TERF1: variants seen among roughly 807,000 people sequenced by gnomAD.
TERF1 encodes the protein telomeric repeat-binding factor 1.
In TERF1, 20 loss-of-function variants were observed where a neutral mutation model predicts 55.1. The ratio of observed to expected loss-of-function variants is 0.36; its 90% CI spans 0.26 to 0.53. The LOEUF is 0.53. Ranked by LOEUF, TERF1 falls within the 20% of genes least tolerant of loss-of-function variation. The pLI is 0.91. For missense variants in TERF1, 439 were observed against 535.7 expected (o/e 0.82, Z 1.78); for synonymous variants, 168 against 181.2 (o/e 0.93, Z 0.59).
intron 9 of TERF1, among the ~76,000 whole-genome samples, chr8:73,042,379 T>C (rs914861136): frequency 3.3e-5 from 5 of 152,204 alleles, no homozygotes; most frequent in Non-Finnish European, 4.4e-5. Context: ...TTTTATTTTT[T>C]AGCTTTCCGT....
At chr8:73,019,299 C>T (rs1808650559) in intron 2 of TERF1, among the ~76,000 whole-genome samples, 1 of 152,192 alleles carries the variant, frequency 6.6e-6, no homozygotes, top group Non-Finnish European at 1.5e-5. Context: ...ATAATAGACT[C>T]TTGATTTCCA....
At chr8:73,028,281 CAG>C (rs1415915240) in intron 6 of TERF1, among the ~76,000 whole-genome samples, 2 of 152,176 alleles carry the variant, frequency 1.3e-5, no homozygotes, top group Non-Finnish European at 2.9e-5. Context: ...GTGTACCAAA[CAG>C]AACTCTTCAT....
intron 9 of TERF1, 55 bp downstream of exon 9, chr8:73,039,274 G>C: frequency 8.2e-7 from 1 of 1,221,174 alleles, no homozygotes; most frequent in Admixed American, 2.6e-5. Context: ...GTTATAACTT[G>C]AATAATTGTG....
chr8:73,009,044 C>T lies in TERF1; in HGVS notation c.158C>T (p.Ala53Val), dbSNP rs554864170. The change falls in exon 1 of 10, where the codon GCC becomes GTC. Residue 53 changes from alanine to valine, a missense_variant. Physicochemically the swap from Ala to Val is moderately conservative, Grantham distance 64. This residue lies in a region of TERF1 where 179 missense variants were observed against 152.6 expected (regional missense o/e 1.17). Coordinates refer to ENST00000276603, the MANE Select transcript of TERF1 (RefSeq NM_017489.3). ...ELLECQVQVG[A>V]PEEEEEEEED... ...CTCGAGTGCCAGGTGCAGGTGGGGG[C>T]CCCCGAGGAGGAGGAGGAGGAGGAG... The T allele has an allele frequency of 3.1e-6, 5 of 1,609,094 alleles. No individual in the cohort carries two copies. The South Asian group carries it at 5.5e-5, about 18-fold the overall frequency.
chr8:73,010,485 C>T (rs1808237766), intron 1 of TERF1: 1 of 152,190 alleles, frequency 6.6e-6, no homozygotes, highest in South Asian at 2.1e-4. Context: ...TTTGCATATG[C>T]ATGTGTAGAC....
At chr8:73,027,106 A>C in intron 6 of TERF1, 54 bp downstream of exon 6, 1 of 1,262,478 alleles carries the variant, frequency 7.9e-7, no homozygotes, top group Non-Finnish European at 1.1e-6. Flanking sequence ...TTCTGTCTTT[A>C]TGTAAAATTG....
At chr8:73,045,913 T>A in intron 9 of TERF1, 48 bp from the exon 10 acceptor site, 5 of 1,405,482 alleles carry the variant, frequency 3.6e-6, no homozygotes, top group Middle Eastern at 1.9e-4. Flanking sequence ...GGTATTTTCT[T>A]TTTGAATAAT....
chr8:73,046,936 A>T lies in TERF1; in HGVS notation c.*799A>T. 1 of 152,234 alleles carries T rather than the reference A, an allele frequency of 6.6e-6. No homozygotes were observed. Among genetic ancestry groups the T allele is most frequent in the Non-Finnish European group, 1.5e-5 (1 of 68,042 alleles). 9.4% of individuals were successfully genotyped at this position (152,234 alleles called of 1,614,324 possible). A position where few individuals can be genotyped will look rare whatever the true frequency, so the allele number is the denominator to read the frequency against. The stretch of plus-strand genomic sequence containing the variant: ...ATGTACAGAGTAACCTATAAGCATG[A>T]CATACTTTTGCTTTCAGTAGTTTCA... On this transcript the variant is annotated 3_prime_UTR_variant, in exon 10 of 10. Transcript: ENST00000276603.
At chr8:73,026,698 CA>C (rs1255765350) in intron 5 of TERF1, among the ~76,000 whole-genome samples, 1 of 150,054 alleles carries the variant, frequency 6.7e-6, no homozygotes, top group Non-Finnish European at 1.5e-5. Context: ...TTTTGTCTAT[CA>C]AATATATTTA....
At chr8:73,020,983 C>T (rs1808725723) in intron 3 of TERF1, among the ~76,000 whole-genome samples, 178 bp downstream of exon 3, 2 of 152,016 alleles carry the variant, frequency 1.3e-5, no homozygotes, top group Non-Finnish European at 2.9e-5. Flanking sequence ...CTTAATGTGC[C>T]ATACTTAAGC....
chr8:73,014,117 GGT>G lies in TERF1; in HGVS notation c.415+129_415+130del. ...TGTCTGGTGCATAGGGGTGTGGGGG[GGT>G]GGTGTGTGTGTGTGTGTACACATAC... On this transcript the variant is annotated intron_variant, in intron 2 of 9. Transcript: ENST00000276603. 4 of 684,568 alleles carry G rather than the reference GGT, an allele frequency of 5.8e-6. No homozygotes were observed. In the East Asian group the frequency reaches 1.1e-4, roughly 19 times the overall value. The allele number at this position is 684,568 out of a possible 1,614,324, so 42.4% of individuals were successfully genotyped here.
intron 2 of TERF1, among the ~76,000 whole-genome samples, chr8:73,014,563 A>G (rs1808416547): frequency 6.6e-6 from 1 of 152,232 alleles, no homozygotes; most frequent in African/African-American, 2.4e-5. Context: ...GTAATGGGCA[A>G]GGCTGATTCA....
intron 2 of TERF1, 92 bp from the exon 3 acceptor site, chr8:73,020,592 A>G (rs1808709358): frequency 9.0e-7 from 1 of 1,111,378 alleles, no homozygotes; most frequent in Non-Finnish European, 1.3e-6. Context: ...CATAGTATAC[A>G]CTCAGTAAAT....
chr8:73,030,978 C>T (rs1406304420), intron 7 of TERF1: 1 of 152,112 alleles, frequency 6.6e-6, no homozygotes, highest in Non-Finnish European at 1.5e-5. Flanking sequence ...TCTGTGAGAA[C>T]ACTGAAATAA....
At position 73,030,670 on chromosome 8, in the gene TERF1, C is replaced by T. The variant is rs1809246065; in HGVS notation, c.947+275C>T. On this transcript the variant is annotated intron_variant, in intron 7 of 9. Coordinates refer to ENST00000276603, the MANE Select transcript of TERF1 (RefSeq NM_017489.3). ...GAGCTTAAAACAGATGTTTAGTAAA[C>T]ACTTCTCTGTCACAGAAACAAAGAT... 1.1e-5 allele frequency: 3 copies of T among 279,040 alleles called. No homozygotes were observed. In the East Asian group the frequency reaches 1.9e-4, roughly 17 times the overall value. 17.3% of individuals were successfully genotyped at this position (279,040 alleles called of 1,614,324 possible).
At chr8:73,015,313 T>C (rs1209649377) in intron 2 of TERF1, among the ~76,000 whole-genome samples, 3 of 21,624 alleles carry the variant, frequency 1.4e-4, no homozygotes, top group African/African-American at 4.0e-4. Context: ...ACCCTTTTGC[T>C]TTTTTTTTTT....
At chr8:73,023,683 A>G (rs914105995) in intron 4 of TERF1, among the ~76,000 whole-genome samples, 1 of 152,216 alleles carries the variant, frequency 6.6e-6, no homozygotes, top group Non-Finnish European at 1.5e-5. Context: ...AGAGGTTAAG[A>G]TAAGTACTTG....
intron 7 of TERF1, 50 bp from the exon 8 acceptor site, chr8:73,031,992 G>T: frequency 7.7e-7 from 1 of 1,295,270 alleles, no homozygotes; most frequent in Non-Finnish European, 1.1e-6. Context: ...GTTTTCCATT[G>T]CCTTACTATC....
chr8:73,028,144 C>T (rs1221196394), intron 6 of TERF1, among the ~76,000 whole-genome samples: 2 of 152,178 alleles, frequency 1.3e-5, no homozygotes, highest in Non-Finnish European at 2.9e-5. Flanking sequence ...CCATCCTGCT[C>T]ATGATAATAT....
Sources: allele counts gnomAD v4.1 joint callset (sites outside exome capture counted in the v4.1 genomes callset), GRCh38; gene constraint gnomAD v4.1.1; regional missense constraint gnomAD v4.1.1; transcripts MANE v1.5; gene names NCBI Gene and HGNC (gene_info 2026-07-23, HGNC 2026-07-21).